XYLT1: variants seen among roughly 807,000 people sequenced by gnomAD.
XYLT1 encodes xylosyltransferase 1.
Under a neutral mutation model 91.3 loss-of-function variants are expected in XYLT1, and 36 were observed. That is an observed-to-expected ratio of 0.39 (90% CI 0.30 to 0.52). The LOEUF (loss-of-function observed/expected upper bound fraction) is 0.52. XYLT1 is among the 20% of genes least tolerant of loss of function. XYLT1 has a pLI of 0.68. For synonymous variants in XYLT1, 588 were observed against 532.0 expected, an observed-to-expected ratio of 1.11 and a Z score of -1.45; for missense variants, 1,242 against 1,284.5, an observed-to-expected ratio of 0.97 and a Z score of 0.51.
At chr16:17,375,425 G>A (rs572591805) in intron 1 of XYLT1, among the ~76,000 whole-genome samples, 8 of 135,062 alleles carry the variant, frequency 5.9e-5, no homozygotes, top group Admixed American at 2.2e-4. Context: ...AAACCCTGTC[G>A]CAATGCAAAA....
At chr16:17,342,242 T>G (rs1373071245) in intron 2 of XYLT1, among the ~76,000 whole-genome samples, 2 of 152,232 alleles carry the variant, frequency 1.3e-5, no homozygotes, top group Non-Finnish European at 2.9e-5. Flanking sequence ...TGGCTGCTCC[T>G]GTTCCTTCCT....
intron 2 of XYLT1, among the ~76,000 whole-genome samples, chr16:17,286,724 G>A (rs2034145915): frequency 6.6e-6 from 1 of 152,208 alleles, no homozygotes; most frequent in South Asian, 2.1e-4. Context: ...AGCAAGCAAT[G>A]GAAGACGGGG....
intron 3 of XYLT1, chr16:17,249,753 T>C (rs4780705): frequency 0.52 from 79,005 of 152,052 alleles, 22,879 homozygotes; most frequent in African/African-American, 0.77. Context: ...ACTGCAACCT[T>C]GACCTCCCGG....
chr16:17,350,667 T>C (rs1417221848), intron 2 of XYLT1, among the ~76,000 whole-genome samples: 1 of 151,996 alleles, frequency 6.6e-6, no homozygotes, highest in Non-Finnish European at 1.5e-5. Context: ...TGAGAAGCAA[T>C]TTAGTCTCAC....
intron 1 of XYLT1, among the ~76,000 whole-genome samples, chr16:17,441,177 C>A (rs146922494): frequency 2.6e-5 from 4 of 151,768 alleles, no homozygotes; most frequent in Non-Finnish European, 1.5e-5. Context: ...CAGGTTCAAG[C>A]GATTCTCCTG....
At chr16:17,372,527 T>C (rs1477688774) in intron 1 of XYLT1, among the ~76,000 whole-genome samples, 2 of 152,230 alleles carry the variant, frequency 1.3e-5, no homozygotes, top group Non-Finnish European at 2.9e-5. Flanking sequence ...CTCCCAATGC[T>C]AATGTTCAAG....
At chr16:17,135,563 CAAAAAAAAAA>C (rs112216252) in intron 8 of XYLT1, among the ~76,000 whole-genome samples, 6 of 117,124 alleles carry the variant, frequency 5.1e-5, no homozygotes, top group Non-Finnish European at 9.3e-5. Flanking sequence ...GAGTGTAGCT[CAAAAAAAAAA>C]AAAAAAAATT....
In XYLT1 at chr16:17,102,546, A is replaced by G. The variant is rs1046941013; in HGVS notation, c.*6149T>C. On this transcript the variant is annotated 3_prime_UTR_variant, in exon 12 of 12. Transcript: ENST00000261381. Reference sequence around the variant, plus strand: ...TGTTGTTGTTGTTGTTCTGCAAAATAAAAAGACAGAAAAGGTGCAAAAAAG... The same window carrying G: ...TGTTGTTGTTGTTGTTCTGCAAAATGAAAAGACAGAAAAGGTGCAAAAAAG... 6 of 152,642 alleles carry G rather than the reference A, an allele frequency of 3.9e-5. No homozygotes were observed. Among genetic ancestry groups the G allele is most frequent in the African/African-American group, 1.4e-4 (6 of 41,450 alleles). The allele number at this position is 152,642 out of a possible 1,614,324, so 9.5% of individuals were successfully genotyped here.
intron 1 of XYLT1, among the ~76,000 whole-genome samples, chr16:17,435,116 C>T (rs115054455): frequency 9.5e-4 from 144 of 152,292 alleles, no homozygotes; most frequent in African/African-American, 3.3e-3. Context: ...ATGCCTTCTG[C>T]GTACATGGTT....
intron 1 of XYLT1, among the ~76,000 whole-genome samples, chr16:17,456,332 CTTTTTTTTTT>C (rs869026409): frequency 8.8e-6 from 1 of 114,152 alleles, no homozygotes; most frequent in African/African-American, 3.8e-5. Flanking sequence ...CAGTACAAAC[CTTTTTTTTTT>C]TTTTTTTTTT....
At chr16:17,374,303 G>A (rs2035569894) in intron 1 of XYLT1, among the ~76,000 whole-genome samples, 1 of 152,140 alleles carries the variant, frequency 6.6e-6, no homozygotes, top group South Asian at 2.1e-4. Flanking sequence ...CCAGGTCAGG[G>A]AGTCCCTTTG....
intron 1 of XYLT1, among the ~76,000 whole-genome samples, chr16:17,440,510 A>T (rs1304414090): frequency 1.8e-4 from 28 of 152,218 alleles, no homozygotes. Flanking sequence ...TCTTAATTAC[A>T]TGAACAAGTA....
At chr16:17,126,435 T>C (rs1454864638) in intron 10 of XYLT1, among the ~76,000 whole-genome samples, 1 of 152,204 alleles carries the variant, frequency 6.6e-6, no homozygotes, top group African/African-American at 2.4e-5. Flanking sequence ...TGGGCTCCCT[T>C]GGCTGCTCAC....
chr16:17,435,971 A>G (rs377273453), intron 1 of XYLT1, among the ~76,000 whole-genome samples: 2 of 152,280 alleles, frequency 1.3e-5, no homozygotes, highest in African/African-American at 4.8e-5. Context: ...AATTGTAATA[A>G]TCCCCACATG....
intron 2 of XYLT1, among the ~76,000 whole-genome samples, chr16:17,276,006 AC>A (rs912463343): frequency 5.3e-5 from 8 of 152,276 alleles, no homozygotes; most frequent in African/African-American, 1.9e-4. Flanking sequence ...ACATACACAC[AC>A]ACAAACCCAG....
At chr16:17,159,550 T>A (rs1426757068) in intron 5 of XYLT1, among the ~76,000 whole-genome samples, 1 of 152,184 alleles carries the variant, frequency 6.6e-6, no homozygotes, top group East Asian at 1.9e-4. Flanking sequence ...AGGAGCTATA[T>A]TAATATTTGT....
At chr16:17,321,131 C>T (rs1206293246) in intron 2 of XYLT1, among the ~76,000 whole-genome samples, 2 of 152,024 alleles carry the variant, frequency 1.3e-5, no homozygotes, top group African/African-American at 2.4e-5. Flanking sequence ...TGTATCCATA[C>T]CCACAACATC....
Position 17,346,799 on chromosome 16 carries a change from G to T in XYLT1, c.402+11213C>A, listed in dbSNP as rs1437758361. Among the ~76,000 whole-genome samples the T allele has an allele frequency of 2.6e-5, 4 of 152,248 alleles. No individual in the cohort carries two copies. The South Asian group carries it at 8.3e-4, about 32-fold the overall frequency. On this transcript the variant is annotated intron_variant, in intron 2 of 11. Coordinates refer to ENST00000261381, the MANE Select transcript of XYLT1 (RefSeq NM_022166.4). ...CTTCTTCTAGCATTGAGCTGGCTGG[G>T]TTTTTCCTTCTCAGGACAATAAAAC...
chr16:17,403,081 T>C (rs1157289485), intron 1 of XYLT1, among the ~76,000 whole-genome samples: 3 of 152,174 alleles, frequency 2.0e-5, no homozygotes, highest in African/African-American at 7.2e-5. Flanking sequence ...ACCTCAAATA[T>C]GAAGACGATA....
Sources: allele counts gnomAD v4.1 joint callset (sites outside exome capture counted in the v4.1 genomes callset), GRCh38; gene constraint gnomAD v4.1.1; transcripts MANE v1.5; gene names NCBI Gene and HGNC (gene_info 2026-07-23, HGNC 2026-07-21).